Variants in AP1G1 observed in about 807,000 individuals in gnomAD.
The protein encoded by AP1G1 is adaptor related protein complex 1 subunit gamma 1.
Under a neutral mutation model 108.3 loss-of-function variants are expected in AP1G1, and 7 were observed. The observed-to-expected ratio is 0.06, with a 90% CI of 0.04 to 0.12. The LOEUF is 0.12. Ranked by LOEUF, AP1G1 falls within the 10% of genes least tolerant of loss-of-function variation. AP1G1 has a pLI of 1.00. For missense variants in AP1G1, 756 were observed against 1,010.7 expected, an observed-to-expected ratio of 0.75 and a Z score of 3.42; for synonymous variants, 379 against 353.5, an observed-to-expected ratio of 1.07 and a Z score of -0.81.
Position 71,736,202 on chromosome 16 carries a change from T to C in AP1G1, c.2269-1495A>G, listed in dbSNP as rs1466475409. Reference sequence around the variant, plus strand: ...ATTATGTAAGCTAAAGTATTATTCATTACTACCATATTTCATTAAATGTAA... The same window carrying C: ...ATTATGTAAGCTAAAGTATTATTCACTACTACCATATTTCATTAAATGTAA... On this transcript the variant is annotated intron_variant, in intron 21 of 22. Transcript: ENST00000299980. 1.8e-4 allele frequency among the ~76,000 whole-genome samples: 27 copies of C among 147,186 alleles called. No individual in the cohort carries two copies. The Admixed American group carries it at 1.8e-3, about 10-fold the overall frequency.
chr16:71,738,954 A>G lies in AP1G1; in HGVS notation c.2256T>C (p.Ala752=). 1 of 1,613,904 alleles carries G rather than the reference A, an allele frequency of 6.2e-7. No individual in the cohort carries two copies. Among genetic ancestry groups the G allele is most frequent in the South Asian group, 1.1e-5 (1 of 91,074 alleles). The change falls in exon 21 of 23, where the codon GCT becomes GCC. Residue 752 remains alanine, a synonymous_variant. Transcript: ENST00000299980. ...GACATTGTAGTACCTTTGGTACTGC[A>G]GCTTGGAAAACAAAGTCCGTCATAT... ...ELDMTDFVFQ[A]AVPKTFQLQL...
At chr16:71,794,244 G>A (rs1417145112) in intron 1 of AP1G1, among the ~76,000 whole-genome samples, 2 of 152,102 alleles carry the variant, frequency 1.3e-5, no homozygotes, top group Non-Finnish European at 2.9e-5. Context: ...CTATGATTGT[G>A]CTTCTGTCAA....
intron 1 of AP1G1, among the ~76,000 whole-genome samples, chr16:71,798,160 T>C (rs2032651972): frequency 2.0e-5 from 3 of 152,152 alleles, no homozygotes; most frequent in Admixed American, 6.5e-5. Context: ...TCAAAAACTG[T>C]TAAGGCTGGG....
At chr16:71,793,956 G>C (rs990398848) in intron 1 of AP1G1, among the ~76,000 whole-genome samples, 2 of 152,142 alleles carry the variant, frequency 1.3e-5, no homozygotes, top group African/African-American at 4.8e-5. Flanking sequence ...GAGCTCAAGT[G>C]ATCCACCCAC....
At chr16:71,762,623 A>G (rs546390312) in intron 9 of AP1G1, among the ~76,000 whole-genome samples, 15 of 152,336 alleles carry the variant, frequency 9.8e-5, no homozygotes, top group African/African-American at 3.6e-4. Context: ...GAGCTTCCAG[A>G]TAGCTGAACA....
chr16:71,776,485 T>TGTTG, intron 2 of AP1G1, among the ~76,000 whole-genome samples: 1 of 152,346 alleles, frequency 6.6e-6, no homozygotes, highest in South Asian at 2.1e-4. Flanking sequence ...ACAGAAAATT[T>TGTTG]ACTAAGGTGA....
intron 13 of AP1G1, among the ~76,000 whole-genome samples, chr16:71,752,275 A>G (rs1420586879): frequency 6.6e-6 from 1 of 152,122 alleles, no homozygotes; most frequent in African/African-American, 2.4e-5. Context: ...CTAGGAAAAC[A>G]TGTCCTGTTC....
Position 71,760,769 on chromosome 16 carries a change from G to A in AP1G1, c.974+743C>T, listed in dbSNP as rs147386402. ...TTGCCATGTTGCCCAGGCTGGTCTC[G>A]AACTCCTGGGATCATGATCTACCCA... On this transcript the variant is annotated intron_variant, in intron 10 of 22. Coordinates refer to ENST00000299980, the MANE Select transcript of AP1G1 (RefSeq NM_001128.6). Among the ~76,000 whole-genome samples, 670 of 152,018 alleles carry A rather than the reference G, an allele frequency of 4.4e-3. 11 individuals are homozygous for A. Among genetic ancestry groups the A allele is most frequent in the African/African-American group, 0.015 (638 of 41,460 alleles).
intron 11 of AP1G1, 69 bp from the exon 12 acceptor site, chr16:71,756,228 G>A: frequency 6.9e-7 from 1 of 1,451,440 alleles, no homozygotes; most frequent in Non-Finnish European, 9.4e-7. Flanking sequence ...ACCCAGGTAT[G>A]CACTCTGTGA....
chr16:71,774,655 G>C, intron 2 of AP1G1, 63 bp from the exon 3 acceptor site: 1 of 1,515,522 alleles, frequency 6.6e-7, no homozygotes, highest in Non-Finnish European at 8.8e-7. Context: ...TAGAAAAGCA[G>C]TGTTTTTAAC....
intron 11 of AP1G1, chr16:71,758,292 A>C: frequency 2.6e-6 from 1 of 390,352 alleles, no homozygotes; most frequent in Non-Finnish European, 5.2e-6. Flanking sequence ...CTGAGGGAAG[A>C]GATTTATGCT....
At chr16:71,733,472 T>C (rs1357638973) in intron 22 of AP1G1, among the ~76,000 whole-genome samples, 1 of 152,212 alleles carries the variant, frequency 6.6e-6, no homozygotes, top group African/African-American at 2.4e-5. Flanking sequence ...CAGGGTTTTG[T>C]TCTTATTGCC....
At chr16:71,768,224 G>A (rs1027408029) in intron 6 of AP1G1, among the ~76,000 whole-genome samples, 2 of 148,756 alleles carry the variant, frequency 1.3e-5, no homozygotes, top group African/African-American at 2.5e-5. Context: ...AAGGCCGGGC[G>A]CGGTAGCTCA....
At chr16:71,765,973 T>G (rs1245506137) in intron 6 of AP1G1, among the ~76,000 whole-genome samples, 3 of 152,126 alleles carry the variant, frequency 2.0e-5, no homozygotes, top group South Asian at 2.1e-4. Context: ...CATTCAAACA[T>G]TTGCATGTAA....
intron 2 of AP1G1, among the ~76,000 whole-genome samples, chr16:71,775,087 C>A (rs1020949085): frequency 7.7e-6 from 1 of 130,616 alleles, no homozygotes; most frequent in Non-Finnish European, 1.6e-5. Flanking sequence ...AGTGCAATGG[C>A]GCGATCCCAG....
intron 2 of AP1G1, among the ~76,000 whole-genome samples, chr16:71,778,982 C>G (rs1019259836): frequency 6.6e-6 from 1 of 152,200 alleles, no homozygotes; most frequent in Non-Finnish European, 1.5e-5. Flanking sequence ...AAAAACCTAC[C>G]TGAAACATTT....
intron 1 of AP1G1, among the ~76,000 whole-genome samples, chr16:71,804,580 G>T (rs988616427): frequency 6.6e-6 from 1 of 151,256 alleles, no homozygotes; most frequent in Non-Finnish European, 1.5e-5. Context: ...GCTAACTTTT[G>T]TATTTTTAGT....
At chr16:71,761,400 A>C (rs1299991661) in intron 10 of AP1G1, 112 bp downstream of exon 10, 10 of 791,040 alleles carry the variant, frequency 1.3e-5, no homozygotes, top group Non-Finnish European at 1.9e-5. Context: ...AAAAATTCTG[A>C]GCTAAAAGTT....
intron 2 of AP1G1, among the ~76,000 whole-genome samples, chr16:71,779,272 T>C (rs2031911572): frequency 7.1e-6 from 1 of 140,980 alleles, no homozygotes; most frequent in Non-Finnish European, 1.5e-5. Context: ...CCCGCCAATA[T>C]TCTGATGGAG....
Sources: allele counts gnomAD v4.1 joint callset (sites outside exome capture counted in the v4.1 genomes callset), GRCh38; gene constraint gnomAD v4.1.1; transcripts MANE v1.5; gene names NCBI Gene and HGNC (gene_info 2026-07-23, HGNC 2026-07-21).